Variants in LSS observed in about 807,000 individuals in gnomAD.
The protein encoded by LSS is 2,3-epoxysqualene-lanosterol cyclase.
Under a neutral mutation model 110.3 loss-of-function variants are expected in LSS, and 90 were observed. That is an observed-to-expected ratio of 0.82 (90% CI 0.69 to 0.97). The LOEUF (loss-of-function observed/expected upper bound fraction) is 0.97, where lower values mean the gene tolerates loss of function less well. Among genes scored for constraint, LSS ranks in the 50% least tolerant of loss-of-function variants. The probability of loss-of-function intolerance (pLI) is 0.00; values close to 1 mark genes in which losing one functional copy is unlikely to be tolerated. For synonymous variants in LSS, 433 were observed against 400.0 expected, an observed-to-expected ratio of 1.08 and a Z score of -0.98; for missense variants, 927 against 990.0, an observed-to-expected ratio of 0.94 and a Z score of 0.85.
chr21:46,194,100 C>A (rs1161521000), intron 20 of LSS, among the ~76,000 whole-genome samples: 1 of 152,188 alleles, frequency 6.6e-6, no homozygotes, highest in Non-Finnish European at 1.5e-5. Flanking sequence ...TGTGGCTCAG[C>A]ACCAGCTGTG....
chr21:46,228,537 C>T lies in LSS; in HGVS notation c.77G>A (p.Arg26Gln), dbSNP rs1294976624. The T allele has an allele frequency of 3.8e-6, 6 of 1,598,688 alleles. No homozygotes were observed. Among genetic ancestry groups the T allele is most frequent in the Non-Finnish European group, 5.1e-6 (6 of 1,178,470 alleles). The change falls in exon 2 of 22, where the codon CGA becomes CAA. Residue 26 changes from arginine (R) to glutamine (Q), a missense_variant. Physicochemically the swap from Arg to Gln is conservative, Grantham distance 43. Coordinates refer to ENST00000397728, the MANE Select transcript of LSS (RefSeq NM_002340.6). ...CTGCCGGCCCCTCTCGCAGTTGAGTCGCCAGCGGCCGAGGTCGGTGGCGGG... is the reference window on the plus strand; with the variant it reads ...CTGCCGGCCCCTCTCGCAGTTGAGTTGCCAGCGGCCGAGGTCGGTGGCGGG... ...TEPATDLGRW[R>Q]LNCERGRQTW...
rs751723086 is a variant in LSS at position 46,228,765 on chromosome 21, G to A, written c.-20C>T. 3.7e-5 allele frequency: 59 copies of A among 1,579,764 alleles called. No individual in the cohort carries two copies. The highest frequency in any genetic ancestry group is 1.7e-4 in the Middle Eastern group (1 of 5,990). Reference sequence around the variant, plus strand: ...CGTCATTGCTGCTGCAGTGCTCTACGCCGCCCACTGCCAGCTGCCAGATGT... The same window carrying A: ...CGTCATTGCTGCTGCAGTGCTCTACACCGCCCACTGCCAGCTGCCAGATGT... On this transcript the variant is annotated 5_prime_UTR_variant, in exon 1 of 22. Transcript: ENST00000397728.
At chr21:46,195,188 G>C (rs1252541766) in intron 19 of LSS, among the ~76,000 whole-genome samples, 1 of 152,244 alleles carries the variant, frequency 6.6e-6, no homozygotes, top group Non-Finnish European at 1.5e-5. Flanking sequence ...CCGGAGACCA[G>C]AAGCGTCCCT....
rs1012567956 is a variant in LSS at position 46,189,786 on chromosome 21, G to A, written c.*1318C>T. On this transcript the variant is annotated 3_prime_UTR_variant, in exon 22 of 22. Transcript: ENST00000397728. ...ATAAGGAGGTATAGGGTGTGCCCTG[G>A]GCAAGGCAGCAGGGGTAACGAAGCT... 1.3e-5 allele frequency: 6 copies of A among 453,500 alleles called. No individual in the cohort carries two copies. Among genetic ancestry groups the A allele is most frequent in the Non-Finnish European group, 2.7e-5 (6 of 224,564 alleles). 28.1% of individuals were successfully genotyped at this position (453,500 alleles called of 1,614,324 possible).
intron 18 of LSS, among the ~76,000 whole-genome samples, 191 bp from the exon 19 acceptor site, chr21:46,195,947 T>C (rs2079904157): frequency 1.3e-5 from 2 of 152,176 alleles, no homozygotes; most frequent in South Asian, 2.1e-4. Flanking sequence ...GTGGAGGGAA[T>C]AGCCACGCTC....
intron 11 of LSS, among the ~76,000 whole-genome samples, chr21:46,211,140 T>C (rs890273115): frequency 3.9e-5 from 6 of 152,132 alleles, no homozygotes; most frequent in South Asian, 2.1e-4. Context: ...ATTTCTTTTT[T>C]TTTTGAGATG....
chr21:46,222,174 C>A (rs370756820), intron 4 of LSS, 199 bp from the exon 5 acceptor site: 4 of 600,872 alleles, frequency 6.7e-6, no homozygotes, highest in Admixed American at 3.0e-5. Context: ...CTGAGCCCCC[C>A]ACTCCTTCCT....
Position 46,191,016 on chromosome 21 carries a change from A to G in LSS, c.*88T>C. On this transcript the variant is annotated 3_prime_UTR_variant, in exon 22 of 22. Transcript: ENST00000397728. ...AGAGGTTGAGGGGTTGGAGCCCAAG[A>G]CAGGGTTATGGGAGGGCTCCCCAAC... 6.6e-7 allele frequency: 1 copy of G among 1,506,202 alleles called. No individual in the cohort carries two copies. Among genetic ancestry groups the G allele is most frequent in the Non-Finnish European group, 9.1e-7 (1 of 1,100,064 alleles). 93.3% of individuals were successfully genotyped at this position (1,506,202 alleles called of 1,614,324 possible). A position where few individuals can be genotyped will look rare whatever the true frequency, so the allele number is the denominator to read the frequency against.
Position 46,209,518 on chromosome 21 carries a change from C to T in LSS, c.1266+36G>A, listed in dbSNP as rs375787256. ...AGGAGCTCCCAGCCCTGATCCCCCT[C>T]TTCAGCCCCCTCAGAGCCCCAGGCA... On this transcript the variant is annotated intron_variant, in intron 13 of 21. Transcript: ENST00000397728. This position sits in a 1 kb window ranked among gnomAD's most constrained non-coding sequence, Gnocchi z 4.4. The T allele has an allele frequency of 3.8e-6, 6 of 1,571,308 alleles. No homozygotes were observed. In the African/African-American group the frequency reaches 8.1e-5, roughly 21 times the overall value.
chr21:46,197,919 A>C (rs1372066298), intron 17 of LSS, among the ~76,000 whole-genome samples: 1 of 152,080 alleles, frequency 6.6e-6, no homozygotes, highest in African/African-American at 2.4e-5. Context: ...AACAACTGAG[A>C]AACTGAATAC....
chr21:46,205,759 G>T, intron 17 of LSS, 77 bp downstream of exon 17: 2 of 1,133,006 alleles, frequency 1.8e-6, no homozygotes, highest in South Asian at 2.8e-5. Flanking sequence ...CACCAGGGCC[G>T]TGTCACAGAA....
Position 46,215,163 on chromosome 21 carries a change from C to T in LSS, c.1011+17G>A, listed in dbSNP as rs373960513. On this transcript the variant is annotated intron_variant, in intron 9 of 21. Coordinates refer to ENST00000397728, the MANE Select transcript of LSS (RefSeq NM_002340.6). ...ACCCCCAGGGGCTGCAGTCAGAGGC[C>T]GGGCAGGGGCACTGACCGGGCCGAT... 2.2e-5 allele frequency: 36 copies of T among 1,602,284 alleles called. No individual in the cohort carries two copies. The highest frequency in any genetic ancestry group is 1.1e-4 in the East Asian group (5 of 44,850).
chr21:46,212,451 C>A (rs144160684), intron 11 of LSS, among the ~76,000 whole-genome samples: 1 of 152,228 alleles, frequency 6.6e-6, no homozygotes, highest in Non-Finnish European at 1.5e-5. Context: ...TCAGCCCAGT[C>A]GGACAGGACT....
intron 17 of LSS, among the ~76,000 whole-genome samples, chr21:46,204,068 G>A (rs144332407): frequency 6.6e-6 from 1 of 152,306 alleles, no homozygotes; most frequent in African/African-American, 2.4e-5. Flanking sequence ...CAAGGAAGGT[G>A]GATCACCTGA....
chr21:46,205,034 C>G (rs2080027238), intron 17 of LSS, among the ~76,000 whole-genome samples: 1 of 152,112 alleles, frequency 6.6e-6, no homozygotes, highest in Non-Finnish European at 1.5e-5. Context: ...AAAGAAGAAC[C>G]TACAAAAATC....
chr21:46,191,631 G>T (rs76715041), intron 21 of LSS, among the ~76,000 whole-genome samples: 1 of 152,126 alleles, frequency 6.6e-6, no homozygotes, highest in Non-Finnish European at 1.5e-5. Context: ...AAGGCTTCCC[G>T]CCCACTGGCT....
chr21:46,216,579 C>T lies in LSS; in HGVS notation c.648-55G>A, dbSNP rs1342453971. ...CCCCAAGACTCAAGCCTGCCCCCTC[C>T]GCCAGCATCCATACCTTGGGCCCTT... On this transcript the variant is annotated intron_variant, in intron 6 of 21. Transcript: ENST00000397728. This position sits in a 1 kb window ranked among gnomAD's most constrained non-coding sequence, Gnocchi z 4.2. 4.0e-6 allele frequency: 6 copies of T among 1,487,752 alleles called. No homozygotes were observed. Among genetic ancestry groups the T allele is most frequent in the South Asian group, 2.7e-5 (2 of 74,814 alleles). 92.2% of individuals were successfully genotyped at this position (1,487,752 alleles called of 1,614,324 possible). A position where few individuals can be genotyped will look rare whatever the true frequency, so the allele number is the denominator to read the frequency against.
chr21:46,224,228 C>A (rs1228426851), intron 3 of LSS, among the ~76,000 whole-genome samples: 2 of 152,196 alleles, frequency 1.3e-5, no homozygotes, highest in East Asian at 1.9e-4. Context: ...CAGGGAAGGG[C>A]CCCCTGTCCA....
intron 17 of LSS, among the ~76,000 whole-genome samples, chr21:46,200,564 G>GA (rs977741672): frequency 0.034 from 4,746 of 139,668 alleles, 232 homozygotes; most frequent in African/African-American, 0.11. Context: ...CGAGACACCA[G>GA]AAAAAAAAAA....
Sources: gnomAD v4.1 joint callset for allele counts (sites outside exome capture counted in the v4.1 genomes callset) on GRCh38, gnomAD v4.1.1 for gene constraint, Gnocchi (gnomAD v3.1) non-coding constraint, MANE v1.5 for transcripts, NCBI Gene and HGNC (gene_info 2026-07-23, HGNC 2026-07-21) for gene names.